OSBPL11: variants seen among roughly 807,000 people sequenced by gnomAD.
OSBPL11 encodes oxysterol-binding protein-related protein 11.
A neutral mutation model predicts 84.4 loss-of-function variants in OSBPL11; 33 were observed. The ratio of observed to expected loss-of-function variants is 0.39; its 90% confidence interval spans 0.30 to 0.52. The LOEUF (loss-of-function observed/expected upper bound fraction) is 0.52. Ranked by LOEUF, OSBPL11 falls within the 20% of genes least tolerant of loss-of-function variation. The probability of loss-of-function intolerance (pLI) is 0.72; values close to 1 mark genes in which losing one functional copy is unlikely to be tolerated. For synonymous variants in OSBPL11, 276 were observed against 310.2 expected (o/e 0.89, Z 1.16); for missense variants, 736 against 901.1 (o/e 0.82, Z 2.35).
rs189036844 is a variant in OSBPL11 at position 125,583,697 on chromosome 3, A to T, written c.165-719T>A. ...CTTGAGCCCAGGAGTTTGAAACCAG[A>T]CTGGGCAACATAATGAGACACTGTC... is the stretch of plus-strand genomic sequence containing the variant. On this transcript the variant is annotated intron_variant, in intron 1 of 12. Coordinates refer to ENST00000296220, the MANE Select transcript of OSBPL11 (RefSeq NM_022776.5). 5.4e-3 allele frequency among the ~76,000 whole-genome samples: 818 copies of T among 151,908 alleles called. 6 individuals are homozygous for T. The highest frequency in any genetic ancestry group is 7.5e-3 in the Non-Finnish European group (512 of 67,966).
chr3:125,570,582 T>C (rs974123626), intron 5 of OSBPL11, among the ~76,000 whole-genome samples: 1 of 152,188 alleles, frequency 6.6e-6, no homozygotes, highest in Non-Finnish European at 1.5e-5. Flanking sequence ...TGTTGTGGGA[T>C]AGACCCAGTG....
intron 8 of OSBPL11, among the ~76,000 whole-genome samples, chr3:125,555,889 G>T (rs1218655079): frequency 2.0e-5 from 3 of 151,992 alleles, no homozygotes; most frequent in Non-Finnish European, 4.4e-5. Flanking sequence ...TGCCATGTTG[G>T]CCAGGCTGGT....
intron 8 of OSBPL11, among the ~76,000 whole-genome samples, chr3:125,559,903 T>C (rs747544013): frequency 6.7e-6 from 1 of 149,484 alleles, no homozygotes; most frequent in Non-Finnish European, 1.5e-5. Flanking sequence ...CCATTTTTTA[T>C]GAAAATAAAA....
chr3:125,591,825 G>C (rs1359401018), intron 1 of OSBPL11, among the ~76,000 whole-genome samples: 1 of 152,130 alleles, frequency 6.6e-6, no homozygotes, highest in Non-Finnish European at 1.5e-5. Context: ...AACATCGCAA[G>C]ATCCTGCCTC....
Position 125,594,646 on chromosome 3 carries a change from C to T in OSBPL11, c.155G>A (p.Trp52Ter). 1 of 1,613,442 alleles carries T rather than the reference C, an allele frequency of 6.2e-7. No individual in the cohort carries two copies. The highest frequency in any genetic ancestry group is 8.5e-7 in the Non-Finnish European group (1 of 1,179,958). Reference protein sequence around the residue: ...SSSRGGSAKGWQYSDHMENVY... With the variant: ...SSSRGGSAKG ...GGAGAAAGGAGCATACCTGTACTGC[C>T]AGCCTTTTGCACTGCCACCGCGGCT... Residue 52 changes from tryptophan (W) to a stop codon, truncating the protein, a stop_gained, in exon 1 of 13, where the codon TGG becomes TAG. Transcript: ENST00000296220. LOFTEE classifies it high-confidence loss of function.
intron 5 of OSBPL11, among the ~76,000 whole-genome samples, chr3:125,575,804 T>C (rs1181103079): frequency 1.3e-5 from 2 of 152,022 alleles, no homozygotes; most frequent in African/African-American, 4.8e-5. Context: ...CCCAAAGTGC[T>C]GAGATTACAG....
At chr3:125,555,708 G>A (rs1311727604) in intron 8 of OSBPL11, among the ~76,000 whole-genome samples, 3 of 150,944 alleles carry the variant, frequency 2.0e-5, no homozygotes, top group Admixed American at 6.6e-5. Context: ...TTTTTGAGAT[G>A]GAGTCTCGCT....
intron 7 of OSBPL11, among the ~76,000 whole-genome samples, chr3:125,561,920 T>C (rs1438232514): frequency 6.6e-6 from 1 of 152,234 alleles, no homozygotes; most frequent in Non-Finnish European, 1.5e-5. Context: ...CTAAGAGTGG[T>C]TAATTAATTG....
chr3:125,548,071 G>T (rs770240235), intron 9 of OSBPL11, among the ~76,000 whole-genome samples: 8 of 152,062 alleles, frequency 5.3e-5, no homozygotes, highest in Non-Finnish European at 1.0e-4. Flanking sequence ...TGGAGACGGG[G>T]TTTCACCATG....
At chr3:125,592,635 G>A (rs1936614915) in intron 1 of OSBPL11, among the ~76,000 whole-genome samples, 1 of 152,134 alleles carries the variant, frequency 6.6e-6, no homozygotes. Flanking sequence ...GGGAAAGTAT[G>A]TAAGGGAAAT....
At chr3:125,531,014 C>T (rs1935547471) in intron 12 of OSBPL11, among the ~76,000 whole-genome samples, 1 of 151,110 alleles carries the variant, frequency 6.6e-6, no homozygotes, top group Admixed American at 6.6e-5. Context: ...CGGAGTCTTG[C>T]TCTGTCAGCC....
chr3:125,551,645 G>A (rs1469093079), intron 9 of OSBPL11, among the ~76,000 whole-genome samples: 12 of 151,832 alleles, frequency 7.9e-5, no homozygotes, highest in Admixed American at 7.9e-4. Context: ...GTGGCATGGT[G>A]GCAGGCGCCA....
intron 5 of OSBPL11, among the ~76,000 whole-genome samples, chr3:125,573,000 T>C (rs1345490613): frequency 6.7e-6 from 1 of 148,360 alleles, no homozygotes; most frequent in Admixed American, 6.8e-5. Flanking sequence ...AAGATATATA[T>C]AGTATATATA....
rs567212707 is a variant in OSBPL11, at chr3:125,592,845, T to C, written c.164+1792A>G. Among the ~76,000 whole-genome samples, 401 of 151,550 alleles carry C rather than the reference T, an allele frequency of 2.6e-3. 5 individuals are homozygous for C. Among genetic ancestry groups the C allele is most frequent in the African/African-American group, 9.3e-3 (385 of 41,320 alleles). On this transcript the variant is annotated intron_variant, in intron 1 of 12. Transcript: ENST00000296220. ...TTCACAAAAGAAAAAAAAATGATCA[T>C]AAAGAAAAATGAACTAAAAATGCAT...
intron 9 of OSBPL11, 38 bp downstream of exon 9, chr3:125,552,141 GTA>G (rs10541213): frequency 0.028 from 23,783 of 836,624 alleles, 2 homozygotes; most frequent in East Asian, 0.043. Context: ...ATGTGTGTGT[GTA>G]TATATATATA....
At chr3:125,560,010 C>T (rs1196252042) in intron 8 of OSBPL11, among the ~76,000 whole-genome samples, 1 of 151,908 alleles carries the variant, frequency 6.6e-6, no homozygotes. Context: ...GCCTGTAATC[C>T]CAGCTCTTTG....
intron 1 of OSBPL11, among the ~76,000 whole-genome samples, chr3:125,593,147 C>T (rs941181758): frequency 2.8e-4 from 43 of 152,164 alleles, no homozygotes; most frequent in Non-Finnish European, 5.6e-4. Flanking sequence ...GCCAGGGCCG[C>T]GGCGGCGCCC....
chr3:125,549,853 G>C (rs1321180647), intron 9 of OSBPL11, among the ~76,000 whole-genome samples: 1 of 152,012 alleles, frequency 6.6e-6, no homozygotes, highest in African/African-American at 2.4e-5. Flanking sequence ...GATTCTTACT[G>C]TTACATGAAC....
chr3:125,558,428 T>C (rs1021830153), intron 8 of OSBPL11, among the ~76,000 whole-genome samples: 1 of 152,218 alleles, frequency 6.6e-6, no homozygotes, highest in East Asian at 1.9e-4. Flanking sequence ...TGAAGCTATA[T>C]AAATAATGAA....
Sources: gnomAD v4.1 joint callset for allele counts (sites outside exome capture counted in the v4.1 genomes callset) on GRCh38, gnomAD v4.1.1 for gene constraint, MANE v1.5 for transcripts, NCBI Gene and HGNC (gene_info 2026-07-23, HGNC 2026-07-21) for gene names.